SGCZ: variants seen among roughly 807,000 people sequenced by gnomAD.
The protein encoded by SGCZ is sarcoglycan zeta.
A neutral mutation model predicts 41.3 loss-of-function variants in SGCZ; 40 were observed. The ratio of observed to expected loss-of-function variants is 0.97; its 90% CI spans 0.75 to 1.26. The LOEUF (loss-of-function observed/expected upper bound fraction) is 1.26. Ranked by LOEUF, SGCZ falls within the 50% of genes most tolerant of loss-of-function variation. The pLI is 0.00. For synonymous variants in SGCZ, 206 were observed against 137.5 expected, an observed-to-expected ratio of 1.50 and a Z score of -3.49; for missense variants, 552 against 369.8, an observed-to-expected ratio of 1.49 and a Z score of -4.04.
At chr8:15,072,318 C>A (rs1032823461) in intron 1 of SGCZ, among the ~76,000 whole-genome samples, 3 of 152,104 alleles carry the variant, frequency 2.0e-5, no homozygotes, top group Non-Finnish European at 4.4e-5. Context: ...CTAAAATTTA[C>A]AGTTGAAATT....
At chr8:15,121,726 G>A (rs1352815759) in intron 1 of SGCZ, among the ~76,000 whole-genome samples, 4 of 152,102 alleles carry the variant, frequency 2.6e-5, no homozygotes, top group Non-Finnish European at 4.4e-5. Flanking sequence ...ACCACAGGAG[G>A]CTGGCAGGAC....
At chr8:14,507,763 T>G (rs1802347318) in intron 2 of SGCZ, among the ~76,000 whole-genome samples, 1 of 66,220 alleles carries the variant, frequency 1.5e-5, no homozygotes, top group South Asian at 7.5e-4. Context: ...TTTGTTTGTT[T>G]TTTTGTTTTT....
At chr8:14,700,343 A>C (rs1809096504) in intron 1 of SGCZ, among the ~76,000 whole-genome samples, 1 of 152,018 alleles carries the variant, frequency 6.6e-6, no homozygotes, top group Non-Finnish European at 1.5e-5. Flanking sequence ...TCTTAATCAA[A>C]TTAATTGATG....
intron 1 of SGCZ, among the ~76,000 whole-genome samples, chr8:14,952,323 T>C (rs1800666357): frequency 6.6e-6 from 1 of 152,156 alleles, no homozygotes; most frequent in Non-Finnish European, 1.5e-5. Context: ...TATCTATATA[T>C]GTGACTAAGG....
chr8:14,137,159 C>A (rs1185225210), intron 5 of SGCZ, among the ~76,000 whole-genome samples: 2 of 152,144 alleles, frequency 1.3e-5, no homozygotes, highest in East Asian at 3.9e-4. Flanking sequence ...ACACCAAAAC[C>A]TCATCTATTG....
chr8:14,507,379 T>C (rs980117919), intron 2 of SGCZ, among the ~76,000 whole-genome samples: 2 of 152,074 alleles, frequency 1.3e-5, no homozygotes, highest in Non-Finnish European at 2.9e-5. Flanking sequence ...TTCTAATACA[T>C]CCCTTTTCTT....
intron 2 of SGCZ, among the ~76,000 whole-genome samples, chr8:14,420,261 G>C (rs527641013): frequency 6.6e-6 from 1 of 151,802 alleles, no homozygotes; most frequent in South Asian, 2.1e-4. Flanking sequence ...AAGACTAATA[G>C]AAACAAAAGA....
chr8:14,444,360 C>T (rs574527261), intron 2 of SGCZ, among the ~76,000 whole-genome samples: 3 of 152,156 alleles, frequency 2.0e-5, no homozygotes, highest in African/African-American at 4.8e-5. Context: ...GACACATGCA[C>T]ACGTATGTTT....
chr8:14,529,343 T>C (rs769851152), intron 2 of SGCZ, among the ~76,000 whole-genome samples: 25 of 152,168 alleles, frequency 1.6e-4, no homozygotes, highest in Non-Finnish European at 3.1e-4. Flanking sequence ...CCTGTATTCC[T>C]GCTGACTACA....
chr8:14,116,466 G>GTAAT (rs1437009987), intron 5 of SGCZ, among the ~76,000 whole-genome samples: 1 of 152,034 alleles, frequency 6.6e-6, no homozygotes, highest in East Asian at 1.9e-4. Flanking sequence ...GCCTTAATAT[G>GTAAT]TAATTGTCAT....
At chr8:14,850,432 G>A (rs1803273559) in intron 1 of SGCZ, among the ~76,000 whole-genome samples, 2 of 152,074 alleles carry the variant, frequency 1.3e-5, no homozygotes, top group Non-Finnish European at 1.5e-5. Flanking sequence ...ACAAAGGGAT[G>A]GTTAGTTTTG....
intron 2 of SGCZ, among the ~76,000 whole-genome samples, chr8:14,387,741 A>G (rs1380091299): frequency 6.6e-6 from 1 of 152,008 alleles, no homozygotes; most frequent in Non-Finnish European, 1.5e-5. Context: ...TTAAAAATAT[A>G]TAATTTTATT....
chr8:14,747,599 G>A (rs1244030765), intron 1 of SGCZ, among the ~76,000 whole-genome samples: 1 of 151,446 alleles, frequency 6.6e-6, no homozygotes, highest in Non-Finnish European at 1.5e-5. Context: ...TTTTTCAGAT[G>A]AAAACCATTA....
intron 1 of SGCZ, among the ~76,000 whole-genome samples, chr8:15,131,164 G>T (rs1311801946): frequency 6.6e-6 from 1 of 152,182 alleles, no homozygotes; most frequent in Non-Finnish European, 1.5e-5. Flanking sequence ...TCGTTTGTCT[G>T]TGTCCCCACC....
At chr8:14,102,975 ATTG>A (rs1197980584) in intron 6 of SGCZ, among the ~76,000 whole-genome samples, 8 of 152,186 alleles carry the variant, frequency 5.3e-5, no homozygotes, top group African/African-American at 1.9e-4. Flanking sequence ...TTTAATGAAA[ATTG>A]TTAATATTGC....
chr8:14,411,267 T>C (rs1799352676), intron 2 of SGCZ, among the ~76,000 whole-genome samples: 1 of 152,162 alleles, frequency 6.6e-6, no homozygotes, highest in Non-Finnish European at 1.5e-5. Context: ...TAAGTCATTC[T>C]ATTTGTGCTC....
chr8:14,611,527 C>T (rs1263126829), intron 1 of SGCZ, among the ~76,000 whole-genome samples: 1 of 151,984 alleles, frequency 6.6e-6, no homozygotes, highest in African/African-American at 2.4e-5. Context: ...ATAAAATTAA[C>T]ATGAATTAAT....
rs149560118 is a variant in SGCZ at position 14,268,728 on chromosome 8, A to G, written c.337-31049T>C. ...GAAAATTATAAAAACAAAGATTATT[A>G]AATTAATATTATATGTACATTTGCA... On this transcript the variant is annotated intron_variant, in intron 3 of 7. Transcript: ENST00000382080. Among the ~76,000 whole-genome samples, 3 of 151,990 alleles carry G rather than the reference A, an allele frequency of 2.0e-5. No individual in the cohort carries two copies. In the East Asian group the frequency reaches 5.8e-4, roughly 29 times the overall value.
intron 1 of SGCZ, among the ~76,000 whole-genome samples, chr8:14,802,738 G>T (rs1027713023): frequency 6.6e-6 from 1 of 152,160 alleles, no homozygotes; most frequent in Non-Finnish European, 1.5e-5. Flanking sequence ...CATGTGTATT[G>T]TGGAGCCCTA....
Sources: allele counts gnomAD v4.1 joint callset (sites outside exome capture counted in the v4.1 genomes callset), GRCh38; gene constraint gnomAD v4.1.1; transcripts MANE v1.5; gene names NCBI Gene and HGNC (gene_info 2026-07-23, HGNC 2026-07-21).